The following CCDC117 variants were observed in gnomAD, a reference collection of about 807,000 sequenced individuals.
The protein encoded by CCDC117 is coiled-coil domain containing 117, also known as coiled-coil domain-containing protein 117.
Under a neutral mutation model 23.5 loss-of-function variants are expected in CCDC117, and 1 was observed. That is an observed-to-expected ratio of 0.04 (90% CI 0.02 to 0.20). The LOEUF is 0.20. Among genes scored for constraint, CCDC117 ranks in the 10% least tolerant of loss-of-function variants. The pLI is 1.00. For synonymous variants in CCDC117, 132 were observed against 124.8 expected (o/e 1.06, Z -0.39); for missense variants, 383 against 348.2 (o/e 1.10, Z -0.80).
chr22:28,782,282 A>G (rs1303536464), intron 3 of CCDC117, among the ~76,000 whole-genome samples: 2 of 111,626 alleles, frequency 1.8e-5, no homozygotes, highest in African/African-American at 8.2e-5. Flanking sequence ...TTTTTGAAAC[A>G]GTGTTGCTCT....
rs531165445 is a variant in CCDC117 at position 28,787,930 on chromosome 22, G to A, written c.*1604G>A. The A allele has an allele frequency of 2.6e-5, 4 of 152,554 alleles. No homozygotes were observed. Among genetic ancestry groups the A allele is most frequent in the African/African-American group, 9.7e-5 (4 of 41,426 alleles). The allele number at this position is 152,554 out of a possible 1,614,324, so 9.5% of individuals were successfully genotyped here. On this transcript the variant is annotated 3_prime_UTR_variant, in exon 5 of 5. Transcript: ENST00000249064. ...AATTTTTAGAAACCACCTTCTAGGC[G>A]TTTTTGGAACCCTTACTGAAATCCC...
Position 28,782,250 on chromosome 22 carries a change from C to CTTTTTTT in CCDC117, c.464+1098_464+1104dup, listed in dbSNP as rs34670753. Among the ~76,000 whole-genome samples, 238 of 80,320 alleles carry CTTTTTTT rather than the reference C, an allele frequency of 3.0e-3. 27 individuals are homozygous for CTTTTTTT. The highest frequency in any genetic ancestry group is 0.014 in the African/African-American group (226 of 16,478). 52.7% of individuals were successfully genotyped at this position (80,320 alleles called of 152,430 possible). A position where few individuals can be genotyped will look rare whatever the true frequency, so the allele number is the denominator to read the frequency against. On this transcript the variant is annotated intron_variant, in intron 3 of 4. Transcript: ENST00000249064. Reference sequence around the variant, plus strand: ...ACTGTGCCGGGCCAGTCTACTGAGCCTTTTTTTTTTTTTTTTTTTTTTTTT... The same window carrying CTTTTTTT: ...ACTGTGCCGGGCCAGTCTACTGAGCCTTTTTTTTTTTTTTTTTTTTTTTTTTTTTTTT...
At chr22:28,779,853 C>G (rs536541608) in intron 2 of CCDC117, among the ~76,000 whole-genome samples, 1 of 152,196 alleles carries the variant, frequency 6.6e-6, no homozygotes, top group Non-Finnish European at 1.5e-5. Context: ...ACTGTACTTG[C>G]TGATGCCCAG....
chr22:28,785,120 T>C (rs2031472570), intron 4 of CCDC117, among the ~76,000 whole-genome samples: 1 of 152,064 alleles, frequency 6.6e-6, no homozygotes, highest in South Asian at 2.1e-4. Context: ...TTTGGGCCCA[T>C]ACACCATCCC....
rs2031531445 is a variant in CCDC117 at position 28,786,956 on chromosome 22, CTTT to C, written c.*634_*636del. 2 of 152,508 alleles carry C rather than the reference CTTT, an allele frequency of 1.3e-5. No individual in the cohort carries two copies. The allele number at this position is 152,508 out of a possible 1,614,324, so 9.4% of individuals were successfully genotyped here. On this transcript the variant is annotated 3_prime_UTR_variant, in exon 5 of 5. Transcript: ENST00000249064. ...TATAGAGAAAGTTTTTTCTTTAAGG[CTTT>C]TTTGCCTTGTGCCACTGTTGCTCCT...
chr22:28,774,371 C>CT (rs35613553), intron 2 of CCDC117, among the ~76,000 whole-genome samples: 29,304 of 122,036 alleles, frequency 0.24, 3,782 homozygotes, highest in East Asian at 0.48. Context: ...CCTGAAAAGT[C>CT]TTTTTTTTTT....
intron 3 of CCDC117, 37 bp from the exon 4 acceptor site, chr22:28,783,471 A>T (rs756707922): frequency 2.1e-5 from 33 of 1,586,102 alleles, no homozygotes; most frequent in Non-Finnish European, 2.8e-5. Flanking sequence ...GCTTGACTAA[A>T]TATTTTTTCT....
In CCDC117 at chr22:28,788,944, T is replaced by C. The variant is rs1303801524; in HGVS notation, c.*2618T>C. 1.2e-4 allele frequency: 18 copies of C among 151,636 alleles called. No homozygotes were observed. Among genetic ancestry groups the C allele is most frequent in the Admixed American group, 1.2e-3 (18 of 15,182 alleles). 9.4% of individuals were successfully genotyped at this position (151,636 alleles called of 1,614,324 possible). On this transcript the variant is annotated 3_prime_UTR_variant, in exon 5 of 5. Transcript: ENST00000249064. ...AATGTGTATTTTATCTGAGTTTGAG[T>C]AGGGTGCGTTGTGGATTTTGTTTTT...
chr22:28,772,880 C>T lies in CCDC117; in HGVS notation c.31C>T (p.Leu11Phe). MAALGRPFSG[L>F]PLSGGSDFLQ... ...TGCGCTCGGCCGGCCCTTCAGCGGC[C>T]TCCCTCTGAGCGGCGGCTCGGACTT... is the stretch of plus-strand genomic sequence containing the variant. Residue 11 changes from leucine (L) to phenylalanine (F), a missense_variant, in exon 1 of 5, where the codon CTC becomes TTC. Transcript: ENST00000249064. The T allele has an allele frequency of 2.4e-6, 3 of 1,238,088 alleles. No homozygotes were observed. Among genetic ancestry groups the T allele is most frequent in the South Asian group, 3.5e-5 (1 of 28,532 alleles). 76.7% of individuals were successfully genotyped at this position (1,238,088 alleles called of 1,614,324 possible). A position where few individuals can be genotyped will look rare whatever the true frequency, so the allele number is the denominator to read the frequency against.
chr22:28,776,983 G>A (rs1018592514), intron 2 of CCDC117, among the ~76,000 whole-genome samples: 2 of 151,368 alleles, frequency 1.3e-5, no homozygotes, highest in African/African-American at 2.4e-5. Context: ...GCCTTCCAAA[G>A]TGCTAGGATT....
At chr22:28,778,845 TC>T (rs2031243211) in intron 2 of CCDC117, among the ~76,000 whole-genome samples, 1 of 152,180 alleles carries the variant, frequency 6.6e-6, no homozygotes, top group Non-Finnish European at 1.5e-5. Flanking sequence ...TTATCAGTGA[TC>T]TCTATTTAGA....
intron 2 of CCDC117, among the ~76,000 whole-genome samples, chr22:28,778,694 A>T (rs1377132942): frequency 6.6e-6 from 1 of 152,214 alleles, no homozygotes; most frequent in Non-Finnish European, 1.5e-5. Flanking sequence ...TAAAAAGTTT[A>T]AAGTATAGAA....
intron 2 of CCDC117, among the ~76,000 whole-genome samples, chr22:28,778,942 G>A (rs2031245614): frequency 1.3e-5 from 2 of 152,104 alleles, no homozygotes. Context: ...AACTTTATTT[G>A]CATTTTATAG....
At position 28,772,972 on chromosome 22, in the gene CCDC117, G is replaced by T. The variant is rs2031032220; in HGVS notation, c.123G>T (p.Leu41Phe). The T allele has an allele frequency of 8.3e-6, 10 of 1,205,196 alleles. No individual in the cohort carries two copies. The highest frequency in any genetic ancestry group is 1.0e-5 in the Non-Finnish European group (10 of 970,562). 74.7% of individuals were successfully genotyped at this position (1,205,196 alleles called of 1,614,324 possible). The change falls in exon 1 of 5, where the codon TTG (leucine) becomes TTT (phenylalanine). Residue 41 changes from leucine (L) to phenylalanine (F), a missense_variant. Transcript: ENST00000249064. ...AFPPGADGAE[L>F]APRPGPRAVP... Reference sequence around the variant, plus strand: ...CGCCGGGGGCTGACGGCGCCGAGTTGGCCCCGCGGCCGGGACCTCGCGCAG... The same window carrying T: ...CGCCGGGGGCTGACGGCGCCGAGTTTGCCCCGCGGCCGGGACCTCGCGCAG...
chr22:28,781,330 G>GTTTTTTTTTTTTTTTTTTTTT (rs1404977996), intron 3 of CCDC117, among the ~76,000 whole-genome samples, 158 bp downstream of exon 3: 3 of 37,628 alleles, frequency 8.0e-5, no homozygotes, highest in African/African-American at 1.5e-4. Flanking sequence ...TTGTTTTTTT[G>GTTTTTTTTTTTTTTTTTTTTT]TTTTGTTTTT....
intron 4 of CCDC117, among the ~76,000 whole-genome samples, chr22:28,784,037 G>A (rs1339995549): frequency 2.0e-5 from 3 of 152,174 alleles, no homozygotes; most frequent in Non-Finnish European, 4.4e-5. Flanking sequence ...AAATAAAGTG[G>A]CCCAACAGTG....
At position 28,787,865 on chromosome 22, in the gene CCDC117, A is replaced by G. The variant is rs2146258556; in HGVS notation, c.*1539A>G. 6.6e-6 allele frequency: 1 copy of G among 152,518 alleles called. No individual in the cohort carries two copies. Among genetic ancestry groups the G allele is most frequent in the Middle Eastern group, 3.4e-3 (1 of 294 alleles). 9.4% of individuals were successfully genotyped at this position (152,518 alleles called of 1,614,324 possible). ...TCTTCCCCCTTTGTAGGAATCAGAT[A>G]CCTTTTGTAGAAAAAAATGGCTTAT... On this transcript the variant is annotated 3_prime_UTR_variant, in exon 5 of 5. Transcript: ENST00000249064.
chr22:28,778,998 T>C (rs1025805142), intron 2 of CCDC117, among the ~76,000 whole-genome samples: 10 of 152,106 alleles, frequency 6.6e-5, no homozygotes, highest in African/African-American at 2.4e-4. Context: ...CCTTTAGATT[T>C]ATTTTGCTTT....
intron 2 of CCDC117, among the ~76,000 whole-genome samples, chr22:28,777,896 G>A (rs1418370514): frequency 6.6e-6 from 1 of 151,298 alleles, no homozygotes; most frequent in African/African-American, 2.4e-5. Context: ...TGTTGCCCAG[G>A]TTGCAGTACA....
Sources: gnomAD v4.1 joint callset for allele counts (sites outside exome capture counted in the v4.1 genomes callset) on GRCh38, gnomAD v4.1.1 for gene constraint, MANE v1.5 for transcripts, NCBI Gene and HGNC (gene_info 2026-07-23, HGNC 2026-07-21) for gene names.